Variants in ELMO1 observed in about 807,000 individuals in gnomAD.
The protein encoded by ELMO1 is engulfment and cell motility protein 1.
In ELMO1, 26 loss-of-function variants were observed where a neutral mutation model predicts 98.9. The ratio of observed to expected loss-of-function variants is 0.26; its 90% CI spans 0.19 to 0.36. The LOEUF is 0.36. Among genes scored for constraint, ELMO1 ranks in the 10% least tolerant of loss-of-function variants. ELMO1 has a pLI of 1.00. For synonymous variants in ELMO1, 346 were observed against 346.0 expected (o/e 1.00, Z 0.00); for missense variants, 627 against 935.2 (o/e 0.67, Z 4.30).
chr7:37,425,658 CA>C (rs1330854159), intron 1 of ELMO1, among the ~76,000 whole-genome samples: 1 of 152,194 alleles, frequency 6.6e-6, no homozygotes, highest in Admixed American at 6.5e-5. Context: ...TCAGATTTCC[CA>C]TGTGTAAAAT....
intron 1 of ELMO1, among the ~76,000 whole-genome samples, chr7:37,400,416 C>T (rs573416936): frequency 1.3e-5 from 2 of 152,334 alleles, no homozygotes; most frequent in Admixed American, 6.5e-5. Context: ...AAATTCAGCA[C>T]AGACCTAGTT....
intron 11 of ELMO1, among the ~76,000 whole-genome samples, chr7:37,214,385 G>A (rs891428709): frequency 1.3e-5 from 2 of 152,168 alleles, no homozygotes; most frequent in African/African-American, 2.4e-5. Context: ...ACAGACTGCT[G>A]CAAACCAACT....
At chr7:36,943,818 T>C (rs1787252336) in intron 16 of ELMO1, among the ~76,000 whole-genome samples, 1 of 152,208 alleles carries the variant, frequency 6.6e-6, no homozygotes, top group Non-Finnish European at 1.5e-5. Context: ...ACAACACTCA[T>C]CTTTTTCCTC....
intron 16 of ELMO1, among the ~76,000 whole-genome samples, chr7:36,964,334 T>C (rs968541550): frequency 6.6e-6 from 1 of 152,214 alleles, no homozygotes; most frequent in Admixed American, 6.5e-5. Context: ...ACACCTACAT[T>C]AGCCTACAGG....
At position 37,417,683 on chromosome 7, in the gene ELMO1, C is replaced by CACACAA. The variant is rs753914608; in HGVS notation, c.-74+30991_-74+30992insTTGTGT. Among the ~76,000 whole-genome samples, 4 of 146,332 alleles carry CACACAA rather than the reference C, an allele frequency of 2.7e-5. 1 individual carries two copies. Among genetic ancestry groups the CACACAA allele is most frequent in the South Asian group, 4.5e-4 (2 of 4,438 alleles). On this transcript the variant is annotated intron_variant, in intron 1 of 21. Coordinates refer to ENST00000310758, the MANE Select transcript of ELMO1 (RefSeq NM_014800.11). ...CGTCACACACACACACACACACACA[C>CACACAA]AAGCAAAAATTAGCTGGGTGTGGTG...
At chr7:37,359,071 C>T (rs1467016076) in intron 1 of ELMO1, among the ~76,000 whole-genome samples, 1 of 152,154 alleles carries the variant, frequency 6.6e-6, no homozygotes, top group African/African-American at 2.4e-5. Context: ...TAGGACTACT[C>T]CAAATAGAAG....
At chr7:37,056,731 G>A (rs1283198589) in intron 15 of ELMO1, among the ~76,000 whole-genome samples, 1 of 152,156 alleles carries the variant, frequency 6.6e-6, no homozygotes, top group Non-Finnish European at 1.5e-5. Flanking sequence ...GTGTGAGTGT[G>A]CATGTGATGG....
intron 16 of ELMO1, among the ~76,000 whole-genome samples, chr7:36,917,710 T>C (rs531180194): frequency 6.6e-6 from 1 of 152,140 alleles, no homozygotes; most frequent in Admixed American, 6.5e-5. Context: ...GAGGCATACA[T>C]CACATCTGGA....
intron 16 of ELMO1, chr7:36,919,579 A>C: frequency 2.9e-6 from 1 of 340,122 alleles, no homozygotes; most frequent in African/African-American, 2.1e-5. Flanking sequence ...TAGATAATGT[A>C]CACTCAGTGC....
At chr7:37,020,236 T>C (rs1383654207) in intron 15 of ELMO1, among the ~76,000 whole-genome samples, 4 of 152,210 alleles carry the variant, frequency 2.6e-5, no homozygotes, top group Non-Finnish European at 5.9e-5. Flanking sequence ...AGTCTCCATA[T>C]ACATAGATGC....
chr7:36,935,673 C>A (rs967776379), intron 16 of ELMO1, among the ~76,000 whole-genome samples: 19 of 152,184 alleles, frequency 1.2e-4, no homozygotes, highest in African/African-American at 4.1e-4. Flanking sequence ...AAGGGGCACA[C>A]ACATTTTGAG....
chr7:36,936,630 G>T (rs563534022), intron 16 of ELMO1, among the ~76,000 whole-genome samples: 7 of 152,042 alleles, frequency 4.6e-5, no homozygotes, highest in Non-Finnish European at 1.0e-4. Flanking sequence ...GCTAATTTTT[G>T]TATTTTTTGT....
At chr7:37,054,756 C>G (rs1796305326) in intron 15 of ELMO1, among the ~76,000 whole-genome samples, 1 of 152,184 alleles carries the variant, frequency 6.6e-6, no homozygotes, top group Admixed American at 6.5e-5. Context: ...TATCCAACCC[C>G]TTGTAGATAG....
chr7:37,124,664 T>G (rs538966908), intron 14 of ELMO1, among the ~76,000 whole-genome samples: 2 of 152,306 alleles, frequency 1.3e-5, no homozygotes, highest in South Asian at 4.1e-4. Context: ...GAACATTCCA[T>G]GCTCATGGGT....
At chr7:36,929,281 A>G (rs1016948639) in intron 16 of ELMO1, among the ~76,000 whole-genome samples, 6 of 152,206 alleles carry the variant, frequency 3.9e-5, no homozygotes, top group Non-Finnish European at 5.9e-5. Context: ...GTCAAGCTCC[A>G]CATGAAAGTG....
intron 15 of ELMO1, among the ~76,000 whole-genome samples, chr7:37,070,187 A>G (rs6955321): frequency 0.13 from 19,637 of 152,212 alleles, 1,811 homozygotes; most frequent in African/African-American, 0.27. Flanking sequence ...GAAAACTGCC[A>G]CTGCATCCTC....
chr7:37,432,725 G>A (rs949340582), intron 1 of ELMO1, among the ~76,000 whole-genome samples: 3 of 152,172 alleles, frequency 2.0e-5, no homozygotes, highest in East Asian at 1.9e-4. Context: ...CAGATGCCTC[G>A]TCACCCACAG....
chr7:37,343,041 C>G (rs1010634699), intron 1 of ELMO1: 2 of 247,312 alleles, frequency 8.1e-6, no homozygotes, highest in Non-Finnish European at 1.6e-5. Context: ...GGAAAGAAAG[C>G]TGTTCCTTAC....
chr7:37,045,771 T>C (rs552742298), intron 15 of ELMO1, among the ~76,000 whole-genome samples: 2 of 152,370 alleles, frequency 1.3e-5, no homozygotes, highest in Admixed American at 6.5e-5. Context: ...AAACAGTCTA[T>C]ATTTCTATGA....
Sources: gnomAD v4.1 joint callset for allele counts (sites outside exome capture counted in the v4.1 genomes callset) on GRCh38, gnomAD v4.1.1 for gene constraint, MANE v1.5 for transcripts, NCBI Gene and HGNC (gene_info 2026-07-23, HGNC 2026-07-21) for gene names.